Variants in TNFSF13B observed in about 807,000 individuals in gnomAD.
TNFSF13B encodes the protein tumor necrosis factor ligand superfamily member 13B.
In TNFSF13B, 8 loss-of-function variants were observed where a neutral mutation model predicts 29.1. The ratio of observed to expected loss-of-function variants is 0.27; its 90% CI spans 0.16 to 0.50. The LOEUF (loss-of-function observed/expected upper bound fraction) is 0.50, where lower values mean the gene tolerates loss of function less well. Ranked by LOEUF, TNFSF13B falls within the 20% of genes least tolerant of loss-of-function variation. The probability of loss-of-function intolerance (pLI) is 0.98; values close to 1 mark genes in which losing one functional copy is unlikely to be tolerated. For missense variants in TNFSF13B, 248 were observed against 334.9 expected, an observed-to-expected ratio of 0.74 and a Z score of 2.03; for synonymous variants, 125 against 130.8, an observed-to-expected ratio of 0.96 and a Z score of 0.30.
Position 108,278,707 on chromosome 13 carries a change from CCCTTCTCTTCCTCCTCCTCCT to C in TNFSF13B, c.425-8089_425-8069del, listed in dbSNP as rs552512504. Among the ~76,000 whole-genome samples, 65 of 147,886 alleles carry C rather than the reference CCCTTCTCTTCCTCCTCCTCCT, an allele frequency of 4.4e-4. 1 individual carries two copies. The highest frequency in any genetic ancestry group is 1.6e-3 in the African/African-American group (63 of 40,172). Reference sequence around the variant, plus strand: ...TTTCCTCCTCCTCTTCCTCCTCCTCCCCTTCTCTTCCTCCTCCTCCTCCTTCTGATCAGGTTATTTGAGACA... The same window carrying C: ...TTTCCTCCTCCTCTTCCTCCTCCTCCCCTTCTGATCAGGTTATTTGAGACA... On this transcript the variant is annotated intron_variant, in intron 2 of 5. Transcript: ENST00000375887.
chr13:108,301,501 G>A (rs1418446904), intron 3 of TNFSF13B, among the ~76,000 whole-genome samples: 1 of 152,174 alleles, frequency 6.6e-6, no homozygotes, highest in Non-Finnish European at 1.5e-5. Context: ...GCAGTAACAT[G>A]GATGAACTTG....
intron 2 of TNFSF13B, among the ~76,000 whole-genome samples, chr13:108,275,835 C>T (rs910696053): frequency 1.3e-5 from 2 of 152,130 alleles, no homozygotes; most frequent in African/African-American, 2.4e-5. Context: ...TTGAATTTCA[C>T]GAGTTTTTCT....
intron 2 of TNFSF13B, among the ~76,000 whole-genome samples, chr13:108,277,716 C>T (rs913559070): frequency 6.6e-6 from 1 of 152,108 alleles, no homozygotes; most frequent in African/African-American, 2.4e-5. Flanking sequence ...TTATTCATGC[C>T]TCCCCTTTTT....
intron 3 of TNFSF13B, among the ~76,000 whole-genome samples, chr13:108,290,869 C>A (rs4000607): frequency 0.21 from 31,864 of 151,644 alleles, 4,008 homozygotes; most frequent in East Asian, 0.42. Context: ...CCTTCTGAAA[C>A]CTTTATAGTT....
chr13:108,274,636 AGTT>A (rs1284706051), intron 2 of TNFSF13B, among the ~76,000 whole-genome samples: 1 of 152,172 alleles, frequency 6.6e-6, no homozygotes, highest in Non-Finnish European at 1.5e-5. Context: ...TTCCCAAAAA[AGTT>A]GTCTGTAACA....
intron 3 of TNFSF13B, among the ~76,000 whole-genome samples, chr13:108,290,441 TG>T (rs1161478682): frequency 2.0e-5 from 3 of 152,194 alleles, no homozygotes; most frequent in Non-Finnish European, 4.4e-5. Flanking sequence ...GGTTGTAAAG[TG>T]TTATGCTATC....
rs186103675 is a variant in TNFSF13B, at chr13:108,295,806, A to G, written c.482-7447A>G. Among the ~76,000 whole-genome samples, 2 of 145,804 alleles carry G rather than the reference A, an allele frequency of 1.4e-5. 1 individual carries two copies. ...TTATAGATCAATTTGTTGTTTAAGA[A>G]TTTGTTCAATTTTCACTTATTTGTG... On this transcript the variant is annotated intron_variant, in intron 3 of 5. Coordinates refer to ENST00000375887, the MANE Select transcript of TNFSF13B (RefSeq NM_006573.5).
chr13:108,276,421 G>A (rs1000589508), intron 2 of TNFSF13B, among the ~76,000 whole-genome samples: 1 of 152,164 alleles, frequency 6.6e-6, no homozygotes, highest in Non-Finnish European at 1.5e-5. Flanking sequence ...CCAAATCTTT[G>A]ACCTGTTCTT....
rs1024495870 is a variant in TNFSF13B at position 108,276,954 on chromosome 13, T to A, written c.424+6530T>A. On this transcript the variant is annotated intron_variant, in intron 2 of 5. Coordinates refer to ENST00000375887, the MANE Select transcript of TNFSF13B (RefSeq NM_006573.5). ...AGCTGCATTTTTGTTGTGGTGATATTTTTTTTTTAAAAGACATTCCCATTT... is the reference window on the plus strand; with the variant it reads ...AGCTGCATTTTTGTTGTGGTGATATATTTTTTTTAAAAGACATTCCCATTT... Among the ~76,000 whole-genome samples, 8 of 151,186 alleles carry A rather than the reference T, an allele frequency of 5.3e-5. No homozygotes were observed. The South Asian group carries it at 6.2e-4, about 12-fold the overall frequency.
chr13:108,286,184 G>C (rs1881123053), intron 2 of TNFSF13B, among the ~76,000 whole-genome samples: 1 of 152,194 alleles, frequency 6.6e-6, no homozygotes. Context: ...AGGTGGGGTT[G>C]AAATTCTGGT....
chr13:108,302,449 G>A (rs1881652614), intron 3 of TNFSF13B, among the ~76,000 whole-genome samples: 1 of 152,152 alleles, frequency 6.6e-6, no homozygotes, highest in Non-Finnish European at 1.5e-5. Context: ...GGAATGTAAA[G>A]TATGAATTCA....
chr13:108,301,710 C>T (rs1881629449), intron 3 of TNFSF13B, among the ~76,000 whole-genome samples: 1 of 151,972 alleles, frequency 6.6e-6, no homozygotes, highest in East Asian at 1.9e-4. Flanking sequence ...GGAATACGTT[C>T]AAGAGATCTC....
chr13:108,274,884 A>G (rs1880723099), intron 2 of TNFSF13B, among the ~76,000 whole-genome samples: 1 of 152,202 alleles, frequency 6.6e-6, no homozygotes, highest in Non-Finnish European at 1.5e-5. Flanking sequence ...GAGGGGAATT[A>G]CCATCAGCCA....
At chr13:108,301,790 T>G (rs1881632337) in intron 3 of TNFSF13B, among the ~76,000 whole-genome samples, 1 of 152,180 alleles carries the variant, frequency 6.6e-6, no homozygotes. Context: ...AGATATTGTG[T>G]TCTCACCACA....
rs1881689949 is a variant in TNFSF13B at position 108,303,614 on chromosome 13, A to T, written c.745+10A>T. The T allele has an allele frequency of 6.2e-7, 1 of 1,609,424 alleles. No homozygotes were observed. Among genetic ancestry groups the T allele is most frequent in the African/African-American group, 1.3e-5 (1 of 74,836 alleles). Reference sequence around the variant, plus strand: ...TCCTGCTATTCAGCTGGTAAATATTAGTTCTCACACCCTGCTAATTGTGAA... The same window carrying T: ...TCCTGCTATTCAGCTGGTAAATATTTGTTCTCACACCCTGCTAATTGTGAA... On this transcript the variant is annotated intron_variant, in intron 5 of 5. Transcript: ENST00000375887.
intron 3 of TNFSF13B, among the ~76,000 whole-genome samples, chr13:108,300,194 T>A (rs891200669): frequency 3.3e-5 from 5 of 152,154 alleles, no homozygotes; most frequent in African/African-American, 1.2e-4. Context: ...AAAATGCTTT[T>A]AAAAAAACAA....
intron 2 of TNFSF13B, among the ~76,000 whole-genome samples, chr13:108,276,007 A>G (rs1200651666): frequency 6.6e-6 from 1 of 152,192 alleles, no homozygotes; most frequent in East Asian, 1.9e-4. Flanking sequence ...TATCAATACT[A>G]TTTTTGAGTC....
At chr13:108,281,275 C>T (rs1227126276) in intron 2 of TNFSF13B, among the ~76,000 whole-genome samples, 2 of 152,010 alleles carry the variant, frequency 1.3e-5, no homozygotes, top group African/African-American at 2.4e-5. Flanking sequence ...AGAAAATTAT[C>T]ATTTGAAGTA....
At chr13:108,294,371 G>C (rs919097601) in intron 3 of TNFSF13B, among the ~76,000 whole-genome samples, 1 of 151,850 alleles carries the variant, frequency 6.6e-6, no homozygotes, top group Admixed American at 6.6e-5. Flanking sequence ...GTAGAAACAG[G>C]GTTTCACCAT....
Sources: gnomAD v4.1 joint callset for allele counts (sites outside exome capture counted in the v4.1 genomes callset) on GRCh38, gnomAD v4.1.1 for gene constraint, MANE v1.5 for transcripts, NCBI Gene and HGNC (gene_info 2026-07-23, HGNC 2026-07-21) for gene names.